ADGRB3: variants seen among roughly 807,000 people sequenced by gnomAD.
ADGRB3 encodes the protein brain-specific angiogenesis inhibitor 3.
A neutral mutation model predicts 193.4 loss-of-function variants in ADGRB3; 37 were observed. The observed-to-expected ratio is 0.19, with a 90% confidence interval of 0.15 to 0.25. ADGRB3 has a LOEUF of 0.25. Ranked by LOEUF, ADGRB3 falls within the 10% of genes least tolerant of loss-of-function variation. The pLI is 1.00. For synonymous variants in ADGRB3, 690 were observed against 644.2 expected, an observed-to-expected ratio of 1.07 and a Z score of -1.08; for missense variants, 1,637 against 1,852.9, an observed-to-expected ratio of 0.88 and a Z score of 2.14.
intron 3 of ADGRB3, among the ~76,000 whole-genome samples, chr6:68,752,443 A>C (rs1438517773): frequency 6.6e-6 from 1 of 151,544 alleles, no homozygotes; most frequent in Admixed American, 6.6e-5. Flanking sequence ...TGCCTGGCCA[A>C]TTTTATATTT....
At chr6:69,075,266 G>A (rs1772194631) in intron 16 of ADGRB3, among the ~76,000 whole-genome samples, 1 of 152,140 alleles carries the variant, frequency 6.6e-6, no homozygotes, top group African/African-American at 2.4e-5. Flanking sequence ...GATAAGAGAA[G>A]ACTCTTCAGG....
chr6:68,782,111 T>A (rs1766865274), intron 3 of ADGRB3, among the ~76,000 whole-genome samples: 1 of 114,086 alleles, frequency 8.8e-6, no homozygotes, highest in Non-Finnish European at 1.8e-5. Flanking sequence ...CCTAATGCTA[T>A]CCCTCCCCCC....
At chr6:68,770,516 C>T (rs1523932) in intron 3 of ADGRB3, among the ~76,000 whole-genome samples, 40,039 of 151,896 alleles carry the variant, frequency 0.26, 5,874 homozygotes, top group Middle Eastern at 0.34. Flanking sequence ...TAATTTTCTC[C>T]TCATTCAGAG....
intron 17 of ADGRB3, among the ~76,000 whole-genome samples, chr6:69,135,039 G>A (rs1246809850): frequency 6.6e-6 from 1 of 151,744 alleles, no homozygotes; most frequent in African/African-American, 2.4e-5. Flanking sequence ...TATTTTCTGA[G>A]GGGTATAAAT....
chr6:68,704,075 A>T (rs762938631), intron 3 of ADGRB3, among the ~76,000 whole-genome samples: 3 of 152,222 alleles, frequency 2.0e-5, no homozygotes, highest in Non-Finnish European at 4.4e-5. Context: ...CTATTTGATT[A>T]TACAGCATTT....
chr6:69,162,709 A>G (rs1775030237), intron 17 of ADGRB3, among the ~76,000 whole-genome samples: 1 of 152,154 alleles, frequency 6.6e-6, no homozygotes, highest in Non-Finnish European at 1.5e-5. Context: ...AATGATTTTA[A>G]GTTAAATGTA....
At chr6:68,785,236 A>T (rs900667053) in intron 3 of ADGRB3, among the ~76,000 whole-genome samples, 1 of 151,916 alleles carries the variant, frequency 6.6e-6, no homozygotes, top group East Asian at 1.9e-4. Flanking sequence ...TGCATGGGCC[A>T]TGTCGGTGTG....
intron 3 of ADGRB3, among the ~76,000 whole-genome samples, chr6:68,754,256 T>G (rs562964351): frequency 1.3e-5 from 2 of 152,216 alleles, no homozygotes; most frequent in Non-Finnish European, 2.9e-5. Context: ...AAAATTAGAC[T>G]TTTGTTAGTC....
intron 3 of ADGRB3, among the ~76,000 whole-genome samples, chr6:68,786,586 A>G (rs542906720): frequency 1.1e-4 from 16 of 152,228 alleles, no homozygotes; most frequent in South Asian, 4.1e-4. Context: ...TTCAGGTAGC[A>G]TGATGCCTCC....
chr6:69,100,603 C>G (rs1404885340), intron 17 of ADGRB3, among the ~76,000 whole-genome samples: 2 of 151,994 alleles, frequency 1.3e-5, no homozygotes, highest in Non-Finnish European at 1.5e-5. Context: ...AAGACCTAAC[C>G]TTGGTCAGAG....
chr6:68,675,106 G>C (rs1405703417), intron 3 of ADGRB3, among the ~76,000 whole-genome samples: 1 of 152,136 alleles, frequency 6.6e-6, no homozygotes, highest in Non-Finnish European at 1.5e-5. Flanking sequence ...CAGTTTAGTT[G>C]CTTGTGGATG....
intron 3 of ADGRB3, among the ~76,000 whole-genome samples, chr6:68,645,312 G>T (rs1045296617): frequency 6.6e-5 from 10 of 151,794 alleles, no homozygotes; most frequent in Non-Finnish European, 7.4e-5. Flanking sequence ...TTATTTCTCA[G>T]GGTACAGGAG....
intron 3 of ADGRB3, among the ~76,000 whole-genome samples, chr6:68,699,685 A>G (rs1050611063): frequency 1.3e-5 from 2 of 151,620 alleles, no homozygotes; most frequent in East Asian, 3.9e-4. Flanking sequence ...GAGCTCTTAG[A>G]GTGACATAAT....
chr6:68,977,887 G>A (rs1319442104), intron 10 of ADGRB3, among the ~76,000 whole-genome samples: 1 of 146,198 alleles, frequency 6.8e-6, no homozygotes, highest in Middle Eastern at 3.4e-3. Flanking sequence ...TATGCCCTAG[G>A]CGCAATTGTT....
At chr6:69,042,751 T>A (rs997699006) in intron 13 of ADGRB3, among the ~76,000 whole-genome samples, 3 of 152,242 alleles carry the variant, frequency 2.0e-5, no homozygotes, top group Non-Finnish European at 4.4e-5. Context: ...TTTTGATAAC[T>A]GGGCAATTTT....
intron 3 of ADGRB3, among the ~76,000 whole-genome samples, chr6:68,683,422 T>G (rs894182712): frequency 1.5e-4 from 23 of 152,112 alleles, no homozygotes; most frequent in African/African-American, 5.6e-4. Context: ...TTTGGAAAAT[T>G]TGTTTGCATC....
At chr6:68,908,146 A>G (rs1210319653) in intron 3 of ADGRB3, among the ~76,000 whole-genome samples, 2 of 151,946 alleles carry the variant, frequency 1.3e-5, no homozygotes, top group African/African-American at 2.4e-5. Context: ...TAATTTCTAC[A>G]TGGATTTTTA....
intron 20 of ADGRB3, among the ~76,000 whole-genome samples, chr6:69,276,534 A>G (rs2127282292): frequency 6.6e-6 from 1 of 152,276 alleles, no homozygotes; most frequent in South Asian, 2.1e-4. Context: ...AAGGTTTTCC[A>G]CTTTTTGTTT....
At position 68,722,326 on chromosome 6, in the gene ADGRB3, G is replaced by A. The variant is rs191009435; in HGVS notation, c.757+82894G>A. On this transcript the variant is annotated intron_variant, in intron 3 of 31. Coordinates refer to ENST00000370598, the MANE Select transcript of ADGRB3 (RefSeq NM_001704.3). Reference sequence around the variant, plus strand: ...AACATCACACACTGGGGCCTGTTGCGGGGCGGGGGTTGTGTAGGGGAGAGA... The same window carrying A: ...AACATCACACACTGGGGCCTGTTGCAGGGCGGGGGTTGTGTAGGGGAGAGA... Among the ~76,000 whole-genome samples, 243 of 151,820 alleles carry A rather than the reference G, an allele frequency of 1.6e-3. 3 individuals carry two copies. Among genetic ancestry groups the A allele is most frequent in the African/African-American group, 5.5e-3 (227 of 41,476 alleles).
Sources: gnomAD v4.1 joint callset for allele counts (sites outside exome capture counted in the v4.1 genomes callset) on GRCh38, gnomAD v4.1.1 for gene constraint, MANE v1.5 for transcripts, NCBI Gene and HGNC (gene_info 2026-07-23, HGNC 2026-07-21) for gene names.